Variants in ATP2B1 observed in about 807,000 individuals in gnomAD.
ATP2B1 encodes the protein plasma membrane calcium-transporting ATPase 1.
Under a neutral mutation model 124.2 loss-of-function variants are expected in ATP2B1, and 14 were observed. The ratio of observed to expected loss-of-function variants is 0.11; its 90% CI spans 0.07 to 0.18. The LOEUF is 0.18. ATP2B1 is among the 10% of genes least tolerant of loss of function. The pLI is 1.00. For missense variants in ATP2B1, 763 were observed against 1,466.1 expected (o/e 0.52, Z 7.83); for synonymous variants, 449 against 492.4 (o/e 0.91, Z 1.17).
intron 20 of ATP2B1, among the ~76,000 whole-genome samples, chr12:89,598,039 CAAAAAAAAA>C (rs10661138): frequency 1.3e-4 from 8 of 60,548 alleles, no homozygotes; most frequent in East Asian, 6.1e-4. Context: ...CACAACCAAG[CAAAAAAAAA>C]AAAAAAAAAA....
chr12:89,680,806 T>TA (rs953984815), intron 1 of ATP2B1, among the ~76,000 whole-genome samples: 11 of 151,276 alleles, frequency 7.3e-5, no homozygotes, highest in East Asian at 5.8e-4. Context: ...GTTTAAAGAT[T>TA]AAAAAAAAAT....
chr12:89,612,835 T>C (rs1165728218), intron 12 of ATP2B1, among the ~76,000 whole-genome samples: 2 of 152,236 alleles, frequency 1.3e-5, no homozygotes, highest in Non-Finnish European at 2.9e-5. Context: ...ACCTTATCTT[T>C]GCATCACCAA....
rs1295763307 is a variant in ATP2B1 at position 89,588,282 on chromosome 12, CA to C, written c.*2701del. 1 of 152,294 alleles carries C rather than the reference CA, an allele frequency of 6.6e-6. No homozygotes were observed. The highest frequency in any genetic ancestry group is 1.5e-5 in the Non-Finnish European group (1 of 67,968). 9.4% of individuals were successfully genotyped at this position (152,294 alleles called of 1,614,324 possible). Reference sequence around the variant, plus strand: ...ATAAACAAATCACCAATTCTTGGTTCAAAACTGACATCTGTTATGAAAATTA... The same window carrying C: ...ATAAACAAATCACCAATTCTTGGTTCAAACTGACATCTGTTATGAAAATTA... On this transcript the variant is annotated 3_prime_UTR_variant, in exon 21 of 21. Coordinates refer to ENST00000428670, the MANE Select transcript of ATP2B1 (RefSeq NM_001366521.1).
At chr12:89,659,114 C>A (rs962729070) in intron 1 of ATP2B1, among the ~76,000 whole-genome samples, 4 of 152,178 alleles carry the variant, frequency 2.6e-5, no homozygotes, top group African/African-American at 9.7e-5. Flanking sequence ...CAAGTTGAGA[C>A]ACAGGCTATT....
Position 89,663,957 on chromosome 12 carries a change from T to C in ATP2B1, c.-221-7850A>G, listed in dbSNP as rs562199062. On this transcript the variant is annotated intron_variant, in intron 1 of 20. Coordinates refer to ENST00000428670, the MANE Select transcript of ATP2B1 (RefSeq NM_001366521.1). ...ATGGCACAGCAGCCTTTATAATTGC[T>C]TTCATCTGTTTTTAGTCAGAGTAAA... Among the ~76,000 whole-genome samples, 5 of 152,354 alleles carry C rather than the reference T, an allele frequency of 3.3e-5. No individual in the cohort carries two copies. In the South Asian group the frequency reaches 1.0e-3, roughly 32 times the overall value.
chr12:89,682,639 T>C (rs1007172295), intron 1 of ATP2B1, among the ~76,000 whole-genome samples: 1 of 152,212 alleles, frequency 6.6e-6, no homozygotes, highest in African/African-American at 2.4e-5. Flanking sequence ...ATAAACTGTG[T>C]TGGGACTACT....
intron 1 of ATP2B1, among the ~76,000 whole-genome samples, chr12:89,702,428 A>G (rs1891961534): frequency 6.6e-6 from 1 of 152,256 alleles, no homozygotes; most frequent in Admixed American, 6.5e-5. Flanking sequence ...TATGAAAGGT[A>G]GATTAAAGCA....
chr12:89,670,150 G>A (rs542096822), intron 1 of ATP2B1, among the ~76,000 whole-genome samples: 1 of 152,270 alleles, frequency 6.6e-6, no homozygotes, highest in Non-Finnish European at 1.5e-5. Context: ...GCACAGAAAT[G>A]TATCTACCCA....
intron 1 of ATP2B1, among the ~76,000 whole-genome samples, chr12:89,685,108 T>C (rs1460706621): frequency 4.6e-5 from 7 of 152,160 alleles, no homozygotes; most frequent in Non-Finnish European, 7.4e-5. Context: ...CATTCATAGA[T>C]GCAATTTAGC....
chr12:89,607,996 TAGAA>T (rs992269473), intron 15 of ATP2B1, among the ~76,000 whole-genome samples: 19 of 151,984 alleles, frequency 1.3e-4, no homozygotes, highest in Middle Eastern at 3.2e-3. Flanking sequence ...GAGATACATT[TAGAA>T]AGAAATTATC....
At chr12:89,621,938 A>ATTTTT in intron 9 of ATP2B1, 147 bp from the exon 10 acceptor site, 1 of 658,968 alleles carries the variant, frequency 1.5e-6, no homozygotes, top group Non-Finnish European at 2.1e-6. Context: ...TAATACTGAA[A>ATTTTT]TTTTTTTTTT....
chr12:89,687,799 G>T (rs1006094209), intron 1 of ATP2B1, among the ~76,000 whole-genome samples: 1 of 151,876 alleles, frequency 6.6e-6, no homozygotes, highest in East Asian at 1.9e-4. Context: ...CTTTTTAAAC[G>T]TTTAAATCAA....
intron 1 of ATP2B1, among the ~76,000 whole-genome samples, chr12:89,658,963 G>A (rs1399139926): frequency 6.6e-6 from 1 of 152,166 alleles, no homozygotes; most frequent in East Asian, 1.9e-4. Context: ...GCAGGTTGTT[G>A]TCTATTTCTA....
At chr12:89,706,706 T>TA (rs1424898523) in intron 1 of ATP2B1, among the ~76,000 whole-genome samples, 1 of 152,084 alleles carries the variant, frequency 6.6e-6, no homozygotes, top group Non-Finnish European at 1.5e-5. Flanking sequence ...ACAGCTGCGA[T>TA]AAAAATCAAG....
At chr12:89,678,362 G>A (rs978595941) in intron 1 of ATP2B1, among the ~76,000 whole-genome samples, 6 of 152,088 alleles carry the variant, frequency 3.9e-5, no homozygotes, top group Middle Eastern at 3.2e-3. Flanking sequence ...ACCTGTCAGT[G>A]AGTGACATTC....
At chr12:89,609,653 CAGTTG>C (rs1001040678) in intron 15 of ATP2B1, among the ~76,000 whole-genome samples, 7 of 152,192 alleles carry the variant, frequency 4.6e-5, no homozygotes, top group Non-Finnish European at 8.8e-5. Flanking sequence ...TTAAAAGGTT[CAGTTG>C]AGTTGACAGA....
chr12:89,679,321 T>C (rs1316300990), intron 1 of ATP2B1, among the ~76,000 whole-genome samples: 9 of 152,178 alleles, frequency 5.9e-5, no homozygotes, highest in African/African-American at 2.2e-4. Context: ...TACAAAAATA[T>C]TGGCCTCTCC....
At chr12:89,700,938 T>C (rs181688061) in intron 1 of ATP2B1, among the ~76,000 whole-genome samples, 41 of 152,330 alleles carry the variant, frequency 2.7e-4, no homozygotes, top group Non-Finnish European at 4.1e-4. Flanking sequence ...TTTTCAAGCA[T>C]TTTTAAATAT....
intron 11 of ATP2B1, among the ~76,000 whole-genome samples, chr12:89,617,934 T>C (rs540665925): frequency 3.5e-4 from 53 of 152,280 alleles, no homozygotes; most frequent in African/African-American, 1.2e-3. Flanking sequence ...TACTATTAGC[T>C]CCTAAGTCCT....
Sources: gnomAD v4.1 joint callset for allele counts (sites outside exome capture counted in the v4.1 genomes callset) on GRCh38, gnomAD v4.1.1 for gene constraint, MANE v1.5 for transcripts, NCBI Gene and HGNC (gene_info 2026-07-23, HGNC 2026-07-21) for gene names.